The following WDPCP variants were observed in gnomAD, a reference collection of about 807,000 sequenced individuals.
WDPCP encodes WD repeat-containing and planar cell polarity effector protein fritz homolog.
WDPCP carries 71 observed loss-of-function variants against 93.1 expected under a neutral mutation model. The observed-to-expected ratio is 0.76, with a 90% CI of 0.63 to 0.93. The LOEUF (loss-of-function observed/expected upper bound fraction) is 0.93. Among genes scored for constraint, WDPCP ranks in the 40% least tolerant of loss-of-function variants. The probability of loss-of-function intolerance (pLI) is 0.00; values close to 1 mark genes in which losing one functional copy is unlikely to be tolerated. For missense variants in WDPCP, 844 were observed against 887.4 expected (o/e 0.95, Z 0.62); for synonymous variants, 315 against 315.0 (o/e 1.00, Z 0.00).
chr2:63,458,345 C>CTT (rs1401946537), intron 6 of WDPCP, among the ~76,000 whole-genome samples: 2 of 151,784 alleles, frequency 1.3e-5, no homozygotes, highest in Non-Finnish European at 2.9e-5. Flanking sequence ...CCAGAAAACT[C>CTT]TTAGAACTGA....
intron 2 of WDPCP, among the ~76,000 whole-genome samples, chr2:63,700,304 C>CAAAAAAAAAAAAAAAAAAAAAA (rs1558887458): frequency 9.0e-6 from 1 of 110,920 alleles, no homozygotes; most frequent in Non-Finnish European, 1.8e-5. Context: ...AAAAAAAAAA[C>CAAAAAAAAAAAAAAAAAAAAAA]AAAAAGAAAA....
chr2:63,499,901 T>A (rs1701439522), intron 1 of WDPCP, among the ~76,000 whole-genome samples: 1 of 152,212 alleles, frequency 6.6e-6, no homozygotes, highest in African/African-American at 2.4e-5. Context: ...CCCACACACA[T>A]CAATGTTCCT....
rs180862951 is a variant in WDPCP at position 63,445,242 on chromosome 2, G to C, written c.385-5371C>G. Among the ~76,000 whole-genome samples the C allele has an allele frequency of 2.0e-5, 3 of 152,052 alleles. No homozygotes were observed. The East Asian group carries it at 5.8e-4, about 29-fold the overall frequency. On this transcript the variant is annotated intron_variant, in intron 6 of 17. Transcript: ENST00000272321. Reference sequence around the variant, plus strand: ...AAAAAATTAGTTGATTTACTACAGAGAACTGACTTAAGGAGAAAAAACAAA... The same window carrying C: ...AAAAAATTAGTTGATTTACTACAGACAACTGACTTAAGGAGAAAAAACAAA...
chr2:63,323,948 C>T (rs6545992), intron 12 of WDPCP, among the ~76,000 whole-genome samples: 121,594 of 151,830 alleles, frequency 0.8, 49,562 homozygotes, highest in East Asian at 0.96. Context: ...AAACCACAGG[C>T]GGTTTTGTCT....
intron 12 of WDPCP, among the ~76,000 whole-genome samples, chr2:63,336,617 C>T (rs867977681): frequency 1.3e-5 from 2 of 152,040 alleles, no homozygotes; most frequent in Admixed American, 6.6e-5. Context: ...TGGCTTTCCT[C>T]GTTGCTTCCA....
chr2:63,547,772 T>G (rs914227551), intron 1 of WDPCP, among the ~76,000 whole-genome samples: 8 of 149,176 alleles, frequency 5.4e-5, no homozygotes, highest in Admixed American at 4.7e-4. Flanking sequence ...GTGGCTCTCA[T>G]GAAGATAGAG....
At chr2:63,654,234 A>C (rs1368056592) in intron 2 of WDPCP, among the ~76,000 whole-genome samples, 2 of 152,204 alleles carry the variant, frequency 1.3e-5, no homozygotes, top group African/African-American at 4.8e-5. Context: ...CAAAAGAATA[A>C]ACCATGAAGC....
intron 14 of WDPCP, among the ~76,000 whole-genome samples, chr2:63,254,127 G>T (rs889732567): frequency 6.6e-6 from 1 of 152,096 alleles, no homozygotes; most frequent in Non-Finnish European, 1.5e-5. Context: ...AATTAACTCA[G>T]TAATAGAAAA....
intron 1 of WDPCP, chr2:63,571,496 T>G: frequency 2.1e-6 from 1 of 469,072 alleles, no homozygotes; most frequent in South Asian, 1.6e-5. Flanking sequence ...AACCTCATTT[T>G]TGTTTATTCG....
At chr2:63,216,327 A>T (rs996807993) in intron 14 of WDPCP, among the ~76,000 whole-genome samples, 3 of 152,230 alleles carry the variant, frequency 2.0e-5, no homozygotes, top group Non-Finnish European at 4.4e-5. Flanking sequence ...ACAATGATAG[A>T]CTGGATTAAG....
rs550287871 is a variant in WDPCP at position 63,579,981 on chromosome 2, GC to G, written c.75+8215del. Among the ~76,000 whole-genome samples the G allele has an allele frequency of 3.1e-3, 473 of 152,264 alleles. 2 individuals carry two copies. The highest frequency in any genetic ancestry group is 5.5e-3 in the Admixed American group (84 of 15,300). On this transcript the variant is annotated intron_variant, in intron 1 of 17. Coordinates refer to ENST00000272321, the MANE Select transcript of WDPCP (RefSeq NM_015910.7). ...TGGGAGCGGGCTCCTGATATGTTCA[GC>G]CCCCTTCCTCTCTGTCTCTCACACT...
chr2:63,816,277 A>C (rs1019160072), intron 1 of WDPCP, among the ~76,000 whole-genome samples: 1 of 152,236 alleles, frequency 6.6e-6, no homozygotes, highest in African/African-American at 2.4e-5. Flanking sequence ...AACAACAAAA[A>C]AGAAATACTT....
chr2:63,734,999 T>G lies in WDPCP; in HGVS notation n.308+78623A>C, dbSNP rs183216527. ...ATTTAGTTGAAGGAGTTTGGGTAAG[T>G]TCAGATTTCCATGGTAACTCTGATA... On this transcript the variant is annotated intron_variant and non_coding_transcript_variant, in intron 2 of 4. Coordinates refer to the WDPCP transcript ENST00000467687. Among the ~76,000 whole-genome samples the G allele has an allele frequency of 4.0e-3, 611 of 152,300 alleles. 2 individuals are homozygous for G. Among genetic ancestry groups the G allele is most frequent in the African/African-American group, 0.013 (557 of 41,552 alleles).
chr2:63,293,909 C>G (rs1359101214), intron 13 of WDPCP, among the ~76,000 whole-genome samples: 1 of 151,962 alleles, frequency 6.6e-6, no homozygotes, highest in South Asian at 2.1e-4. Context: ...CATGGGAGCT[C>G]CAGAAGGAAA....
intron 14 of WDPCP, among the ~76,000 whole-genome samples, chr2:63,245,100 C>T (rs867474556): frequency 6.6e-6 from 1 of 152,034 alleles, no homozygotes; most frequent in Non-Finnish European, 1.5e-5. Context: ...TTAAATGTTC[C>T]CAAGGAAGAA....
chr2:63,265,999 A>G (rs1251179844), intron 13 of WDPCP, among the ~76,000 whole-genome samples: 2 of 152,174 alleles, frequency 1.3e-5, no homozygotes, highest in African/African-American at 4.8e-5. Flanking sequence ...TATGGAAGGA[A>G]TATACCTCAA....
At chr2:63,184,206 T>C (rs1674459543) in intron 14 of WDPCP, among the ~76,000 whole-genome samples, 1 of 152,140 alleles carries the variant, frequency 6.6e-6, no homozygotes, top group Admixed American at 6.5e-5. Context: ...ATTTGCATCT[T>C]TTTTTCCCTC....
At chr2:63,196,287 G>T (rs1675431537) in intron 14 of WDPCP, among the ~76,000 whole-genome samples, 1 of 152,178 alleles carries the variant, frequency 6.6e-6, no homozygotes, top group Non-Finnish European at 1.5e-5. Flanking sequence ...TGCAGCTGTG[G>T]TTGCTCACCA....
At chr2:63,577,358 TAA>T in intron 1 of WDPCP, among the ~76,000 whole-genome samples, 1 of 152,350 alleles carries the variant, frequency 6.6e-6, no homozygotes, top group East Asian at 1.9e-4. Context: ...TACCTTAAAT[TAA>T]AGATATGTTT....
Sources: gnomAD v4.1 joint callset for allele counts (sites outside exome capture counted in the v4.1 genomes callset) on GRCh38, gnomAD v4.1.1 for gene constraint, MANE v1.5 for transcripts, NCBI Gene and HGNC (gene_info 2026-07-23, HGNC 2026-07-21) for gene names.